The following GRB14 variants were observed in gnomAD, a reference collection of about 807,000 sequenced individuals.
GRB14 encodes growth factor receptor bound protein 14, also known as growth factor receptor-bound protein 14.
Under a neutral mutation model 69.1 loss-of-function variants are expected in GRB14, and 38 were observed. That is an observed-to-expected ratio of 0.55 (90% CI 0.42 to 0.72). GRB14 has a LOEUF of 0.72. Ranked by LOEUF, GRB14 falls within the 30% of genes least tolerant of loss-of-function variation. The pLI is 0.00. For missense variants in GRB14, 666 were observed against 666.1 expected (o/e 1.00, Z 0.00); for synonymous variants, 247 against 241.3 (o/e 1.02, Z -0.22).
At chr2:164,608,331 A>G (rs1690086942) in intron 2 of GRB14, among the ~76,000 whole-genome samples, 1 of 152,058 alleles carries the variant, frequency 6.6e-6, no homozygotes, top group Non-Finnish European at 1.5e-5. Context: ...GAGATCACCC[A>G]CTGCACCCCA....
chr2:164,568,117 C>T (rs1185133268), intron 2 of GRB14, among the ~76,000 whole-genome samples: 1 of 152,122 alleles, frequency 6.6e-6, no homozygotes, highest in African/African-American at 2.4e-5. Context: ...TTAACTATAG[C>T]GATGTCCTAG....
At chr2:164,567,808 C>T (rs879322626) in intron 2 of GRB14, among the ~76,000 whole-genome samples, 3 of 152,080 alleles carry the variant, frequency 2.0e-5, no homozygotes, top group South Asian at 2.1e-4. Context: ...TAAGCAAATA[C>T]GCAGAAGCTC....
intron 3 of GRB14, among the ~76,000 whole-genome samples, chr2:164,530,297 C>G (rs1203954869): frequency 6.6e-6 from 1 of 151,982 alleles, no homozygotes; most frequent in Non-Finnish European, 1.5e-5. Flanking sequence ...TTTGTGTGAA[C>G]AAATAGAGTG....
chr2:164,493,703 T>C (rs1180454881), intron 13 of GRB14, among the ~76,000 whole-genome samples: 1 of 152,286 alleles, frequency 6.6e-6, no homozygotes, highest in East Asian at 1.9e-4. Context: ...GCTGGGGACA[T>C]TGATCACAAA....
intron 2 of GRB14, among the ~76,000 whole-genome samples, chr2:164,601,850 G>A (rs980063598): frequency 2.0e-5 from 3 of 151,810 alleles, no homozygotes; most frequent in African/African-American, 7.3e-5. Flanking sequence ...TTTTCCCAAA[G>A]AAGTAAAAAA....
chr2:164,525,697 A>C (rs1163194321), intron 4 of GRB14, among the ~76,000 whole-genome samples: 1 of 152,072 alleles, frequency 6.6e-6, no homozygotes, highest in African/African-American at 2.4e-5. Context: ...TCCCCTCAGT[A>C]AATTTTATGA....
At chr2:164,504,863 C>T (rs1328166090) in intron 8 of GRB14, among the ~76,000 whole-genome samples, 1 of 152,068 alleles carries the variant, frequency 6.6e-6, no homozygotes, top group African/African-American at 2.4e-5. Context: ...TCACAAGGGG[C>T]CTTAATAAGT....
chr2:164,564,273 G>T (rs1458197629), intron 2 of GRB14, among the ~76,000 whole-genome samples: 1 of 152,232 alleles, frequency 6.6e-6, no homozygotes, highest in Non-Finnish European at 1.5e-5. Flanking sequence ...ATATGCTGCA[G>T]TGAAGGCTTC....
intron 2 of GRB14, among the ~76,000 whole-genome samples, chr2:164,557,657 A>G (rs1000845022): frequency 6.6e-6 from 1 of 152,150 alleles, no homozygotes; most frequent in East Asian, 1.9e-4. Flanking sequence ...AGTTCCATCA[A>G]GTCACCCCTG....
chr2:164,610,892 A>C (rs1190983339), intron 2 of GRB14, among the ~76,000 whole-genome samples: 2 of 139,300 alleles, frequency 1.4e-5, no homozygotes, highest in Admixed American at 1.6e-4. Flanking sequence ...AAAAAAAAAC[A>C]GGCTACATTT....
chr2:164,618,114 A>AG (rs974838847), intron 2 of GRB14, among the ~76,000 whole-genome samples: 4 of 151,964 alleles, frequency 2.6e-5, no homozygotes, highest in Non-Finnish European at 5.9e-5. Flanking sequence ...CTACAGGTGC[A>AG]GGCCACCACA....
At chr2:164,506,065 A>G (rs1687180308) in intron 8 of GRB14, among the ~76,000 whole-genome samples, 1 of 152,190 alleles carries the variant, frequency 6.6e-6, no homozygotes, top group African/African-American at 2.4e-5. Flanking sequence ...GTTTTGAAAA[A>G]CAGAGAAAAC....
intron 3 of GRB14, among the ~76,000 whole-genome samples, chr2:164,538,542 AT>A (rs1451975412): frequency 6.6e-6 from 1 of 152,204 alleles, no homozygotes; most frequent in African/African-American, 2.4e-5. Context: ...GACATTTTAA[AT>A]TCAATGTCTG....
intron 2 of GRB14, among the ~76,000 whole-genome samples, chr2:164,549,051 A>AT (rs36035232): frequency 0.42 from 63,884 of 150,498 alleles, 15,991 homozygotes; most frequent in Non-Finnish European, 0.56. Context: ...CTAATTTTGT[A>AT]TTTTTTTTTA....
chr2:164,506,848 C>T (rs1182281844), intron 8 of GRB14, among the ~76,000 whole-genome samples: 1 of 152,132 alleles, frequency 6.6e-6, no homozygotes, highest in Non-Finnish European at 1.5e-5. Context: ...AACCACAAAA[C>T]ACTATGCTAA....
intron 2 of GRB14, among the ~76,000 whole-genome samples, chr2:164,578,997 G>C (rs1042131967): frequency 1.3e-5 from 2 of 151,908 alleles, no homozygotes; most frequent in Non-Finnish European, 2.9e-5. Flanking sequence ...CTAAAGTATG[G>C]ACTAACGAAG....
In GRB14 at chr2:164,574,092, G is replaced by C. The variant is rs550620433; in HGVS notation, c.325-26276C>G. ...AAATTCAGAAACTCTGGTTTTACCA[G>C]CTCATCATACTCTACTATGAATTTT... On this transcript the variant is annotated intron_variant, in intron 2 of 13. Coordinates refer to ENST00000263915, the MANE Select transcript of GRB14 (RefSeq NM_004490.3). 15 of 807,196 alleles carry C rather than the reference G, an allele frequency of 1.9e-5. No individual in the cohort carries two copies. The South Asian group carries it at 2.1e-4, about 11-fold the overall frequency. 50.0% of individuals were successfully genotyped at this position (807,196 alleles called of 1,614,324 possible).
At chr2:164,589,065 T>G (rs1248150914) in intron 2 of GRB14, among the ~76,000 whole-genome samples, 1 of 152,224 alleles carries the variant, frequency 6.6e-6, no homozygotes, top group Non-Finnish European at 1.5e-5. Flanking sequence ...TAGGATTGTA[T>G]TTTTTGTAGG....
chr2:164,534,177 GT>G (rs569042812), intron 3 of GRB14, among the ~76,000 whole-genome samples: 49 of 152,150 alleles, frequency 3.2e-4, no homozygotes, highest in Non-Finnish European at 1.6e-4. Flanking sequence ...TGCAGCTATA[GT>G]TTTTTACCTT....
Sources: allele counts gnomAD v4.1 joint callset (sites outside exome capture counted in the v4.1 genomes callset), GRCh38; gene constraint gnomAD v4.1.1; transcripts MANE v1.5; gene names NCBI Gene and HGNC (gene_info 2026-07-23, HGNC 2026-07-21).